ARHGAP24: variants seen among roughly 807,000 people sequenced by gnomAD.
ARHGAP24 encodes the protein Rho GTPase activating protein 24.
In ARHGAP24, 50 loss-of-function variants were observed where a neutral mutation model predicts 76.4. The ratio of observed to expected loss-of-function variants is 0.65; its 90% CI spans 0.52 to 0.83. The LOEUF (loss-of-function observed/expected upper bound fraction) is 0.83, where lower values mean the gene tolerates loss of function less well. ARHGAP24 is among the 40% of genes least tolerant of loss of function. ARHGAP24 has a pLI of 0.00. For synonymous variants in ARHGAP24, 345 were observed against 323.3 expected, an observed-to-expected ratio of 1.07 and a Z score of -0.72; for missense variants, 930 against 914.2, an observed-to-expected ratio of 1.02 and a Z score of -0.22.
intron 2 of ARHGAP24, among the ~76,000 whole-genome samples, chr4:85,669,367 C>T (rs926983409): frequency 2.0e-5 from 3 of 151,882 alleles, no homozygotes; most frequent in Non-Finnish European, 4.4e-5. Flanking sequence ...GTTGTAGCAG[C>T]AGCTCAATAG....
At chr4:85,494,990 C>T (rs1380766497) in intron 1 of ARHGAP24, among the ~76,000 whole-genome samples, 1 of 149,774 alleles carries the variant, frequency 6.7e-6, no homozygotes, top group East Asian at 2.0e-4. Context: ...CCCAGCTACT[C>T]GAGAGGCTGA....
At chr4:85,910,991 G>C (rs1273585687) in intron 3 of ARHGAP24, among the ~76,000 whole-genome samples, 1 of 152,136 alleles carries the variant, frequency 6.6e-6, no homozygotes, top group Non-Finnish European at 1.5e-5. Context: ...GATCGGAGTG[G>C]ACACTGGCAG....
At chr4:85,573,265 T>A (rs1279285568) in intron 2 of ARHGAP24, among the ~76,000 whole-genome samples, 1 of 152,220 alleles carries the variant, frequency 6.6e-6, no homozygotes, top group Non-Finnish European at 1.5e-5. Context: ...TTTTAATGTT[T>A]TGCCCTGATG....
intron 2 of ARHGAP24, among the ~76,000 whole-genome samples, chr4:85,657,841 G>T (rs952370797): frequency 1.1e-4 from 17 of 152,308 alleles, no homozygotes; most frequent in Non-Finnish European, 2.5e-4. Context: ...TGCAAACTCT[G>T]CCTCCCGGGT....
At chr4:85,703,001 AAGG>A (rs894101977) in intron 2 of ARHGAP24, among the ~76,000 whole-genome samples, 10 of 152,014 alleles carry the variant, frequency 6.6e-5, no homozygotes, top group African/African-American at 2.4e-4. Flanking sequence ...AAGCATGTGA[AAGG>A]AGAATTTACT....
chr4:85,839,843 CT>C (rs33974767), intron 3 of ARHGAP24, among the ~76,000 whole-genome samples: 3,031 of 105,626 alleles, frequency 0.029, 70 homozygotes, highest in South Asian at 0.047. Context: ...TTTCTGTTTT[CT>C]TTTTTTTTTT....
chr4:85,612,903 A>G (rs1720443900), intron 2 of ARHGAP24, among the ~76,000 whole-genome samples: 1 of 148,522 alleles, frequency 6.7e-6, no homozygotes, highest in South Asian at 2.1e-4. Flanking sequence ...GACTCAAGCA[A>G]TTCACCCACC....
chr4:85,754,924 C>G (rs1726418072), intron 3 of ARHGAP24, among the ~76,000 whole-genome samples: 1 of 152,118 alleles, frequency 6.6e-6, no homozygotes, highest in African/African-American at 2.4e-5. Flanking sequence ...GTCTACCTCC[C>G]CGGGTTGTTA....
intron 3 of ARHGAP24, among the ~76,000 whole-genome samples, chr4:85,894,973 AAAAAAAAAAAAAAAACAAAAC>A (rs1454602159): frequency 7.7e-5 from 3 of 39,030 alleles, no homozygotes; most frequent in African/African-American, 2.5e-4. Context: ...AAAAAAAAAA[AAAAAAAAAAAAAAAACAAAAC>A]AAAAAGCAAA....
chr4:85,713,271 A>G (rs1724597611), intron 2 of ARHGAP24, among the ~76,000 whole-genome samples: 2 of 152,108 alleles, frequency 1.3e-5, no homozygotes, highest in Admixed American at 1.3e-4. Context: ...TCACTACTGT[A>G]CTCCAGCCTG....
chr4:85,832,844 G>A (rs1730063236), intron 3 of ARHGAP24, among the ~76,000 whole-genome samples: 1 of 152,170 alleles, frequency 6.6e-6, no homozygotes, highest in South Asian at 2.1e-4. Flanking sequence ...CCACTGAGTT[G>A]TCATGGGCAG....
At chr4:85,894,058 C>G (rs1367697966) in intron 3 of ARHGAP24, among the ~76,000 whole-genome samples, 1 of 135,354 alleles carries the variant, frequency 7.4e-6, no homozygotes, top group Non-Finnish European at 1.5e-5. Flanking sequence ...ATGTAACTAA[C>G]TTGCACAATG....
intron 5 of ARHGAP24, among the ~76,000 whole-genome samples, chr4:85,963,159 T>C (rs1301110978): frequency 1.3e-5 from 2 of 152,078 alleles, no homozygotes; most frequent in African/African-American, 2.4e-5. Flanking sequence ...TTGATATGAC[T>C]AGAATCTTAG....
chr4:85,997,025 C>T (rs1005210457), intron 9 of ARHGAP24, among the ~76,000 whole-genome samples: 2 of 152,116 alleles, frequency 1.3e-5, no homozygotes, highest in Admixed American at 1.3e-4. Context: ...ACTGATAGAA[C>T]TTCCCAATAG....
chr4:85,778,267 T>C (rs1354690115), intron 3 of ARHGAP24, among the ~76,000 whole-genome samples: 1 of 152,208 alleles, frequency 6.6e-6, no homozygotes, highest in African/African-American at 2.4e-5. Context: ...AAAGTTTCAA[T>C]ATTAAGGATT....
chr4:85,709,093 A>G (rs755351004), intron 2 of ARHGAP24, among the ~76,000 whole-genome samples: 3 of 152,170 alleles, frequency 2.0e-5, no homozygotes, highest in Non-Finnish European at 4.4e-5. Context: ...AGATAAATAA[A>G]TAGAATGTAG....
intron 1 of ARHGAP24, among the ~76,000 whole-genome samples, chr4:85,536,225 A>C (rs954073631): frequency 1.3e-5 from 2 of 152,174 alleles, no homozygotes; most frequent in Non-Finnish European, 2.9e-5. Flanking sequence ...ACACAAATGA[A>C]TATAAAACTA....
At chr4:85,828,094 G>A (rs1187323655) in intron 3 of ARHGAP24, 4 of 725,450 alleles carry the variant, frequency 5.5e-6, no homozygotes, top group East Asian at 6.5e-5. Context: ...GACTGTGTGC[G>A]GTTTTATTTA....
chr4:85,778,842 A>G (rs1727412569), intron 3 of ARHGAP24: 1 of 985,442 alleles, frequency 1.0e-6, no homozygotes, highest in Non-Finnish European at 1.2e-6. Flanking sequence ...TCCAAACAGC[A>G]TTTTCCAGAC....
Sources: allele counts gnomAD v4.1 joint callset (sites outside exome capture counted in the v4.1 genomes callset), GRCh38; gene constraint gnomAD v4.1.1; transcripts MANE v1.5; gene names NCBI Gene and HGNC (gene_info 2026-07-23, HGNC 2026-07-21).